The following EGFLAM variants were observed in gnomAD, a reference collection of about 807,000 sequenced individuals.
EGFLAM encodes EGF like, fibronectin type III and laminin G domains.
In EGFLAM, 79 loss-of-function variants were observed where a neutral mutation model predicts 113.1. The observed-to-expected ratio is 0.70, with a 90% CI of 0.58 to 0.84. EGFLAM has a LOEUF of 0.84. Among genes scored for constraint, EGFLAM ranks in the 40% least tolerant of loss-of-function variants. The probability of loss-of-function intolerance (pLI) is 0.00; values close to 1 mark genes in which losing one functional copy is unlikely to be tolerated. For synonymous variants in EGFLAM, 504 were observed against 487.6 expected (o/e 1.03, Z -0.44); for missense variants, 1,265 against 1,291.6 (o/e 0.98, Z 0.32).
intron 10 of EGFLAM, among the ~76,000 whole-genome samples, chr5:38,409,658 T>C (rs915291177): frequency 3.3e-5 from 5 of 152,152 alleles, no homozygotes; most frequent in African/African-American, 1.2e-4. Context: ...GTGGATGTGA[T>C]GGGAAGAAGG....
At chr5:38,360,218 T>C (rs1310403690) in intron 5 of EGFLAM, among the ~76,000 whole-genome samples, 1 of 152,184 alleles carries the variant, frequency 6.6e-6, no homozygotes, top group Non-Finnish European at 1.5e-5. Context: ...TTCTAAGAGA[T>C]GATGTGATTT....
rs766911804 is a variant in EGFLAM at position 38,352,647 on chromosome 5, A to C, written c.545+316A>C. On this transcript the variant is annotated intron_variant, in intron 5 of 21. Transcript: ENST00000322350. The stretch of plus-strand genomic sequence containing the variant: ...GGGTGACAGAGCAAGACTCCATCCC[A>C]AAAAAAAAAAAAAAGCCAAATGTGT... Among the ~76,000 whole-genome samples the C allele has an allele frequency of 1.5e-3, 212 of 139,712 alleles. 1 individual carries two copies. Among genetic ancestry groups the C allele is most frequent in the African/African-American group, 3.9e-3 (150 of 38,656 alleles). 91.7% of individuals were successfully genotyped at this position (139,712 alleles called of 152,430 possible).
chr5:38,390,360 G>A (rs137948495), intron 6 of EGFLAM, among the ~76,000 whole-genome samples: 4 of 152,282 alleles, frequency 2.6e-5, no homozygotes, highest in African/African-American at 9.6e-5. Context: ...AGTGGATTCA[G>A]TGTTAGTGTT....
chr5:38,313,072 A>C (rs770785362), intron 1 of EGFLAM, among the ~76,000 whole-genome samples: 1 of 152,194 alleles, frequency 6.6e-6, no homozygotes, highest in Non-Finnish European at 1.5e-5. Flanking sequence ...TGGGTGATGG[A>C]TGGAGCAAGA....
At chr5:38,305,205 G>A (rs1758693057) in intron 1 of EGFLAM, among the ~76,000 whole-genome samples, 1 of 152,080 alleles carries the variant, frequency 6.6e-6, no homozygotes, top group South Asian at 2.1e-4. Flanking sequence ...GAAATGAAAA[G>A]AAAATGCTAC....
chr5:38,333,118 C>G (rs1406794077), intron 1 of EGFLAM, among the ~76,000 whole-genome samples: 2 of 152,190 alleles, frequency 1.3e-5, no homozygotes, highest in East Asian at 3.8e-4. Context: ...CATGTTCCCA[C>G]AAAAGACATG....
intron 1 of EGFLAM, among the ~76,000 whole-genome samples, chr5:38,293,486 T>C (rs1758385546): frequency 6.6e-6 from 1 of 152,222 alleles, no homozygotes; most frequent in Non-Finnish European, 1.5e-5. Context: ...CTGACAAGAA[T>C]TCCTCCTTTA....
intron 6 of EGFLAM, among the ~76,000 whole-genome samples, chr5:38,402,568 C>T (rs1741149778): frequency 6.6e-6 from 1 of 152,180 alleles, no homozygotes; most frequent in African/African-American, 2.4e-5. Flanking sequence ...ACCAGACAGA[C>T]CTTGGATTTG....
intron 6 of EGFLAM, among the ~76,000 whole-genome samples, chr5:38,391,685 C>G (rs994278683): frequency 3.9e-5 from 6 of 152,184 alleles, no homozygotes; most frequent in Non-Finnish European, 8.8e-5. Context: ...GCATGAGCCA[C>G]TGCGCCCGGC....
chr5:38,387,104 G>A (rs761581490), intron 6 of EGFLAM, among the ~76,000 whole-genome samples: 14 of 152,190 alleles, frequency 9.2e-5, no homozygotes, highest in Non-Finnish European at 1.9e-4. Context: ...TTGGGCAGAA[G>A]GTTTTCTGGG....
Position 38,340,848 on chromosome 5 carries a change from GGGGGGTGGGGGGT to G in EGFLAM, c.291+2073_291+2085del, listed in dbSNP as rs890502476. On this transcript the variant is annotated intron_variant, in intron 3 of 21. Coordinates refer to ENST00000322350, the MANE Select transcript of EGFLAM (RefSeq NM_152403.4). ...GTGTGTGTTTGTATGTGTGTGTTTG[GGGGGGTGGGGGGT>G]GGGGGGTGGGGAGAGTTGCAGAATA... Among the ~76,000 whole-genome samples the G allele has an allele frequency of 6.1e-3, 407 of 66,412 alleles. 3 individuals are homozygous for G. Among genetic ancestry groups the G allele is most frequent in the African/African-American group, 0.04 (389 of 9,836 alleles). The allele number at this position is 66,412 out of a possible 152,430, so 43.6% of individuals were successfully genotyped here. A position where few individuals can be genotyped will look rare whatever the true frequency, so the allele number is the denominator to read the frequency against.
At chr5:38,295,080 G>T (rs1758421649) in intron 1 of EGFLAM, among the ~76,000 whole-genome samples, 1 of 152,156 alleles carries the variant, frequency 6.6e-6, no homozygotes, top group African/African-American at 2.4e-5. Flanking sequence ...ACCCACCTTG[G>T]CCTCCCAACG....
intron 1 of EGFLAM, among the ~76,000 whole-genome samples, chr5:38,319,201 C>A (rs2589799): frequency 2.8e-4 from 42 of 152,292 alleles, no homozygotes; most frequent in African/African-American, 1.0e-3. Flanking sequence ...TCTCTTTAGA[C>A]CTTCAGACTG....
rs1757408477 is a variant in EGFLAM, at chr5:38,258,586, A to C, written c.-169A>C. 4 of 672,040 alleles carry C rather than the reference A, an allele frequency of 6.0e-6. No individual in the cohort carries two copies. Among genetic ancestry groups the C allele is most frequent in the Admixed American group, 5.7e-5 (2 of 35,236 alleles). The allele number at this position is 672,040 out of a possible 1,614,324, so 41.6% of individuals were successfully genotyped here. A position where few individuals can be genotyped will look rare whatever the true frequency, so the allele number is the denominator to read the frequency against. On this transcript the variant is annotated 5_prime_UTR_variant, in exon 1 of 22. Coordinates refer to ENST00000322350, the MANE Select transcript of EGFLAM (RefSeq NM_152403.4). ...TCGCGCACGCCGACCTCCCGGCTGCAGTCCTACCTCTTGGAACTACCCGTG... is the reference window on the plus strand; with the variant it reads ...TCGCGCACGCCGACCTCCCGGCTGCCGTCCTACCTCTTGGAACTACCCGTG...
At chr5:38,280,830 A>C (rs1241202372) in intron 1 of EGFLAM, among the ~76,000 whole-genome samples, 1 of 152,088 alleles carries the variant, frequency 6.6e-6, no homozygotes, top group Non-Finnish European at 1.5e-5. Flanking sequence ...ATGCCTATTT[A>C]TATGTTCCTC....
chr5:38,293,327 TGTAAA>T (rs1445767525), intron 1 of EGFLAM, among the ~76,000 whole-genome samples: 1 of 152,214 alleles, frequency 6.6e-6, no homozygotes, highest in Non-Finnish European at 1.5e-5. Context: ...TTTTCTTGTT[TGTAAA>T]GTAAATTAAA....
At chr5:38,445,507 C>A (rs1402372833) in intron 17 of EGFLAM, 9 of 1,502,890 alleles carry the variant, frequency 6.0e-6, no homozygotes, top group Non-Finnish European at 6.2e-6. Context: ...TCCAGTGGTT[C>A]CCCGCGGGGC....
At chr5:38,334,232 T>A (rs12658471) in intron 1 of EGFLAM, among the ~76,000 whole-genome samples, 5,169 of 152,312 alleles carry the variant, frequency 0.034, 123 homozygotes, top group East Asian at 0.056. Context: ...CCTGTTGAGT[T>A]TTAAGAGTTC....
At position 38,337,502 on chromosome 5, in the gene EGFLAM, T is replaced by A; in HGVS notation, c.98-18T>A. 1.9e-6 allele frequency: 3 copies of A among 1,578,618 alleles called. No individual in the cohort carries two copies. The highest frequency in any genetic ancestry group is 2.6e-6 in the Non-Finnish European group (3 of 1,158,788). On this transcript the variant is annotated intron_variant, in intron 1 of 21. Coordinates refer to ENST00000322350, the MANE Select transcript of EGFLAM (RefSeq NM_152403.4). ...GATGTGTGGAGCCTCTAACACAATC[T>A]CTTTTGTTTGGGGGCAGGCAAGGTA... is the stretch of plus-strand genomic sequence containing the variant.
Sources: allele counts gnomAD v4.1 joint callset (sites outside exome capture counted in the v4.1 genomes callset), GRCh38; gene constraint gnomAD v4.1.1; transcripts MANE v1.5; gene names NCBI Gene and HGNC (gene_info 2026-07-23, HGNC 2026-07-21).